Variants in IRAK4 observed in about 807,000 individuals in gnomAD.
IRAK4 encodes interleukin-1 receptor-associated kinase 4.
Under a neutral mutation model 51.8 loss-of-function variants are expected in IRAK4, and 44 were observed. The ratio of observed to expected loss-of-function variants is 0.85; its 90% CI spans 0.67 to 1.09. The LOEUF is 1.09. Ranked by LOEUF, IRAK4 falls within the 50% of genes least tolerant of loss-of-function variation. The probability of loss-of-function intolerance (pLI) is 0.00; values close to 1 mark genes in which losing one functional copy is unlikely to be tolerated. For missense variants in IRAK4, 487 were observed against 538.0 expected (o/e 0.91, Z 0.94); for synonymous variants, 149 against 174.1 (o/e 0.86, Z 1.13).
intron 1 of IRAK4, among the ~76,000 whole-genome samples, chr12:43,765,069 T>A (rs932808299): frequency 6.6e-6 from 1 of 152,224 alleles, no homozygotes; most frequent in Non-Finnish European, 1.5e-5. Flanking sequence ...GTTACAATTT[T>A]TTGAGGAAAT....
chr12:43,782,618 C>A, intron 9 of IRAK4, 128 bp downstream of exon 9: 1 of 768,118 alleles, frequency 1.3e-6, no homozygotes, highest in South Asian at 2.0e-5. Context: ...TTCACATTAA[C>A]CTCTACTTAT....
Position 43,777,505 on chromosome 12 carries a change from TAGAA to T in IRAK4, c.717-123_717-120del, listed in dbSNP as rs1161468283. 6 of 764,296 alleles carry T rather than the reference TAGAA, an allele frequency of 7.9e-6. No homozygotes were observed. The African/African-American group carries it at 1.1e-4, about 14-fold the overall frequency. 47.3% of individuals were successfully genotyped at this position (764,296 alleles called of 1,614,324 possible). ...ACATATATAAACATAAACATCAAGT[TAGAA>T]ATAATATATAACATACTATTTTTTT... On this transcript the variant is annotated intron_variant, in intron 6 of 11. Transcript: ENST00000613694.
chr12:43,770,593 A>G (rs1940646187), intron 2 of IRAK4, among the ~76,000 whole-genome samples: 1 of 152,206 alleles, frequency 6.6e-6, no homozygotes, highest in Admixed American at 6.5e-5. Context: ...GTAAATTATT[A>G]TCATCATCTT....
chr12:43,773,766 A>G (rs1941013386), intron 5 of IRAK4, 199 bp from the exon 6 acceptor site: 2 of 407,654 alleles, frequency 4.9e-6, no homozygotes, highest in Admixed American at 7.9e-5. Flanking sequence ...AAATTTATAT[A>G]TATTTTTCAT....
At chr12:43,764,339 G>A (rs757878883) in intron 1 of IRAK4, among the ~76,000 whole-genome samples, 2 of 152,138 alleles carry the variant, frequency 1.3e-5, no homozygotes, top group African/African-American at 4.8e-5. Flanking sequence ...CAGGAGAATC[G>A]CTTAAACCTG....
At chr12:43,773,512 G>T (rs1295025370) in intron 5 of IRAK4, among the ~76,000 whole-genome samples, 2 of 152,008 alleles carry the variant, frequency 1.3e-5, no homozygotes, top group African/African-American at 4.8e-5. Flanking sequence ...TTCTACTGAG[G>T]TGTTTACCTT....
At chr12:43,774,316 C>T (rs1312069257) in intron 6 of IRAK4, among the ~76,000 whole-genome samples, 2 of 152,188 alleles carry the variant, frequency 1.3e-5, no homozygotes, top group African/African-American at 4.8e-5. Flanking sequence ...ATGATCTCGG[C>T]TCACTGCAAC....
At chr12:43,773,095 AAAAG>A (rs750108318) in intron 5 of IRAK4, 23 bp downstream of exon 5, 3 of 1,608,830 alleles carry the variant, frequency 1.9e-6, no homozygotes, top group Admixed American at 1.7e-5. Flanking sequence ...TTCAGGAATA[AAAAG>A]AAAGAGTTGC....
At chr12:43,785,610 A>G (rs920294972) in intron 10 of IRAK4, among the ~76,000 whole-genome samples, 15 of 146,222 alleles carry the variant, frequency 1.0e-4, no homozygotes, top group Non-Finnish European at 2.1e-4. Flanking sequence ...ATACATTTGT[A>G]TATATATATG....
chr12:43,773,077 G>C lies in IRAK4; in HGVS notation c.651+5G>C, dbSNP rs544692526. ...GCAGTGAAGAAGCTTGCAGCAGTAA[G>C]TTATATTTTCAGGAATAAAAAGAAA... On this transcript the variant is annotated splice_donor_5th_base_variant and intron_variant, in intron 5 of 11. Transcript: ENST00000613694. The C allele has an allele frequency of 6.2e-7, 1 of 1,612,104 alleles. No individual in the cohort carries two copies. Among genetic ancestry groups the C allele is most frequent in the Non-Finnish European group, 8.5e-7 (1 of 1,178,598 alleles).
chr12:43,765,568 A>G (rs1313260861), intron 1 of IRAK4, among the ~76,000 whole-genome samples: 2 of 152,106 alleles, frequency 1.3e-5, no homozygotes, highest in African/African-American at 4.8e-5. Context: ...CAGTGTCTCA[A>G]CTAGATCCTG....
Position 43,782,294 on chromosome 12 carries a change from A to T in IRAK4, c.942-13A>T. 2 of 1,601,922 alleles carry T rather than the reference A, an allele frequency of 1.2e-6. 1 individual carries two copies. Among genetic ancestry groups the T allele is most frequent in the South Asian group, 2.2e-5 (2 of 90,784 alleles). On this transcript the variant is annotated splice_polypyrimidine_tract_variant and intron_variant, in intron 8 of 11. Transcript: ENST00000613694. Reference sequence around the variant, plus strand: ...AAAAACATTTTTTTCTTCAAACTTTACATTTTTTTCAGTGCAAATATCTTA... The same window carrying T: ...AAAAACATTTTTTTCTTCAAACTTTTCATTTTTTTCAGTGCAAATATCTTA...
At position 43,772,182 on chromosome 12, in the gene IRAK4, G is replaced by T; in HGVS notation, c.310G>T (p.Ala104Ser). ...FAPASLLLPD[A>S]VPKTANTLPS... ...TTGTATCTTACTTCATTTGTTAGAT[G>T]CTGTTCCCAAAACTGCTAATACACT... The change falls in exon 4 of 12, where the codon GCT becomes TCT. Residue 104 changes from alanine to serine, a missense_variant and splice_region_variant. Ala to Ser is a moderately conservative substitution (Grantham distance 99, BLOSUM62 1). Coordinates refer to ENST00000613694, the MANE Select transcript of IRAK4 (RefSeq NM_016123.4). 9 of 1,612,178 alleles carry T rather than the reference G, an allele frequency of 5.6e-6. No individual in the cohort carries two copies. The highest frequency in any genetic ancestry group is 7.6e-6 in the Non-Finnish European group (9 of 1,179,044).
rs1013276462 is a variant in IRAK4 at position 43,776,144 on chromosome 12, A to G, written c.717-1486A>G. Among the ~76,000 whole-genome samples the G allele has an allele frequency of 1.2e-4, 18 of 152,054 alleles. 1 individual carries two copies. Among genetic ancestry groups the G allele is most frequent in the Non-Finnish European group, 2.6e-4 (18 of 68,004 alleles). The stretch of plus-strand genomic sequence containing the variant: ...TGATCTGCCTGCCTCGGCTGGGAAT[A>G]CAGGCGTGAGTCACTGCGCCCGGCC... On this transcript the variant is annotated intron_variant, in intron 6 of 11. Coordinates refer to ENST00000613694, the MANE Select transcript of IRAK4 (RefSeq NM_016123.4).
intron 3 of IRAK4, 35 bp downstream of exon 3, chr12:43,771,400 G>A (rs1303505589): frequency 6.2e-7 from 1 of 1,607,730 alleles, no homozygotes; most frequent in Admixed American, 1.7e-5. Flanking sequence ...CCACAATTAG[G>A]GTGGAAAGAC....
At chr12:43,783,539 G>C in intron 9 of IRAK4, 123 bp from the exon 10 acceptor site, 1 of 660,164 alleles carries the variant, frequency 1.5e-6, no homozygotes, top group East Asian at 2.8e-5. Flanking sequence ...CAGGCTGGTC[G>C]TGAAGTCCGG....
chr12:43,762,905 A>G (rs995915951), intron 1 of IRAK4, among the ~76,000 whole-genome samples: 7 of 152,198 alleles, frequency 4.6e-5, no homozygotes, highest in African/African-American at 1.4e-4. Flanking sequence ...CTGTATTTAA[A>G]CCTCTGCTTC....
Position 43,772,203 on chromosome 12 carries a change from A to G in IRAK4, c.331A>G (p.Thr111Ala), listed in dbSNP as rs1341505359. The G allele has an allele frequency of 1.2e-6, 2 of 1,613,522 alleles. No individual in the cohort carries two copies. Among genetic ancestry groups the G allele is most frequent in the Admixed American group, 3.3e-5 (2 of 60,028 alleles). ...AGATGCTGTTCCCAAAACTGCTAAT[A>G]CACTACCTTCTAAAGAAGCTATAAC... ...LPDAVPKTAN[T>A]LPSKEAITVQ... The change falls in exon 4 of 12, where the codon ACA (threonine) becomes GCA (alanine). Residue 111 changes from threonine (T) to alanine (A), a missense_variant. By Grantham distance (58) the Thr-to-Ala change is moderately conservative (BLOSUM62 0). Transcript: ENST00000613694.
rs1367304662 is a variant in IRAK4 at position 43,768,204 on chromosome 12, A to T, written c.93A>T (p.Gly31=). Reference sequence around the variant, plus strand: ...CAGATTTTATTGATCCTCAAGAAGGATGGAAGAAGTTAGCTGTAGCTATTA... The same window carrying T: ...CAGATTTTATTGATCCTCAAGAAGGTTGGAAGAAGTTAGCTGTAGCTATTA... ...KLSDFIDPQE[G]WKKLAVAIKK... is the part of the protein sequence containing the mutation. The change falls in exon 2 of 12, where the codon GGA becomes GGT. Residue 31 remains glycine, a synonymous_variant. Coordinates refer to ENST00000613694, the MANE Select transcript of IRAK4 (RefSeq NM_016123.4). 4 of 1,613,418 alleles carry T rather than the reference A, an allele frequency of 2.5e-6. No individual in the cohort carries two copies. Among genetic ancestry groups the T allele is most frequent in the Non-Finnish European group, 1.7e-6 (2 of 1,179,604 alleles).
Sources: allele counts gnomAD v4.1 joint callset (sites outside exome capture counted in the v4.1 genomes callset), GRCh38; gene constraint gnomAD v4.1.1; transcripts MANE v1.5; gene names NCBI Gene and HGNC (gene_info 2026-07-23, HGNC 2026-07-21).